FAT3: variants seen among roughly 807,000 people sequenced by gnomAD.
FAT3 encodes FAT atypical cadherin 3, also known as protocadherin Fat 3.
In FAT3, 95 loss-of-function variants were observed where a neutral mutation model predicts 310.2. The ratio of observed to expected loss-of-function variants is 0.31; its 90% CI spans 0.26 to 0.36. The LOEUF (loss-of-function observed/expected upper bound fraction) is 0.36. FAT3 is among the 10% of genes least tolerant of loss of function. The pLI, the probability that FAT3 is intolerant of heterozygous loss-of-function variation, is 1.00. For synonymous variants in FAT3, 2,314 were observed against 2,192.9 expected (o/e 1.06, Z -1.54); for missense variants, 5,408 against 5,715.6 (o/e 0.95, Z 1.74).
chr11:92,436,614 G>A (rs905524071), intron 2 of FAT3, among the ~76,000 whole-genome samples: 1 of 152,132 alleles, frequency 6.6e-6, no homozygotes, highest in Non-Finnish European at 1.5e-5. Flanking sequence ...CAGTGGTTTG[G>A]TTGGCATCAG....
rs144787249 is a variant in FAT3 at position 92,736,929 on chromosome 11, A to G, written c.3670-24927A>G. Among the ~76,000 whole-genome samples the G allele has an allele frequency of 2.8e-3, 433 of 152,314 alleles. 1 individual carries two copies. Among genetic ancestry groups the G allele is most frequent in the African/African-American group, 9.8e-3 (409 of 41,570 alleles). Reference sequence around the variant, plus strand: ...CTGATGTCTTTAGAAAGCTGGAACCAGAGTCTGATTACAGACATTTGTTGC... The same window carrying G: ...CTGATGTCTTTAGAAAGCTGGAACCGGAGTCTGATTACAGACATTTGTTGC... On this transcript the variant is annotated intron_variant, in intron 4 of 27. Transcript: ENST00000525166.
rs549851193 is a variant in FAT3, at chr11:92,333,753, A to G, written c.-17-18343A>G. Among the ~76,000 whole-genome samples, 14 of 152,046 alleles carry G rather than the reference A, an allele frequency of 9.2e-5. No individual in the cohort carries two copies. The South Asian group carries it at 2.9e-3, about 32-fold the overall frequency. ...AAAAGTATTTTTTTTTTTCTCCATG[A>G]AAACAGTAGCAAGGCATTTTTGAAG... On this transcript the variant is annotated intron_variant, in intron 1 of 27. Transcript: ENST00000525166.
intron 4 of FAT3, among the ~76,000 whole-genome samples, chr11:92,718,441 A>G (rs529262869): frequency 6.6e-6 from 1 of 152,126 alleles, no homozygotes; most frequent in African/African-American, 2.4e-5. Context: ...TCCAGCTAGC[A>G]CCAAAGGAGG....
intron 3 of FAT3, among the ~76,000 whole-genome samples, chr11:92,623,319 C>A (rs1674079): frequency 0.55 from 83,275 of 151,942 alleles, 23,886 homozygotes; most frequent in African/African-American, 0.72. Flanking sequence ...TTCCTCACAC[C>A]ACTTGCTTTT....
chr11:92,391,573 G>A (rs558137901), intron 2 of FAT3, among the ~76,000 whole-genome samples: 1 of 152,292 alleles, frequency 6.6e-6, no homozygotes, highest in South Asian at 2.1e-4. Context: ...AATTCCTGTG[G>A]TAAGGGAGGA....
At chr11:92,484,580 A>T (rs1326677850) in intron 2 of FAT3, among the ~76,000 whole-genome samples, 2 of 152,208 alleles carry the variant, frequency 1.3e-5, no homozygotes, top group African/African-American at 4.8e-5. Context: ...ACAGAGCTTT[A>T]AAACATTGGA....
At chr11:92,561,779 C>T (rs1955235262) in intron 3 of FAT3, among the ~76,000 whole-genome samples, 1 of 152,088 alleles carries the variant, frequency 6.6e-6, no homozygotes, top group African/African-American at 2.4e-5. Flanking sequence ...GCGTGCACCA[C>T]CACACCCAGC....
At chr11:92,257,556 G>T (rs564393232) in intron 1 of FAT3, among the ~76,000 whole-genome samples, 1 of 152,040 alleles carries the variant, frequency 6.6e-6, no homozygotes, top group Non-Finnish European at 1.5e-5. Context: ...AATGTGAAGC[G>T]TACAACCTGT....
intron 3 of FAT3, among the ~76,000 whole-genome samples, chr11:92,602,942 C>T (rs899156043): frequency 1.3e-5 from 2 of 152,148 alleles, no homozygotes; most frequent in Non-Finnish European, 2.9e-5. Context: ...AAGTAGTCAT[C>T]CTCACAGCTT....
At chr11:92,361,451 G>A (rs1055099780) in intron 2 of FAT3, among the ~76,000 whole-genome samples, 11 of 151,010 alleles carry the variant, frequency 7.3e-5, no homozygotes, top group East Asian at 3.9e-4. Flanking sequence ...ATTGAATCAC[G>A]AAGATTCCAC....
chr11:92,343,332 T>C (rs112335737), intron 1 of FAT3, among the ~76,000 whole-genome samples: 1 of 149,570 alleles, frequency 6.7e-6, no homozygotes, highest in East Asian at 1.9e-4. Flanking sequence ...GATTTTTTTT[T>C]CCCTTGTGCA....
intron 3 of FAT3, 92 bp from the exon 4 acceptor site, chr11:92,697,292 T>G: frequency 9.1e-7 from 1 of 1,093,680 alleles, no homozygotes; most frequent in Non-Finnish European, 1.4e-6. Flanking sequence ...CCATACCACT[T>G]TTGCTTTTCC....
chr11:92,351,427 C>T (rs1468938159), intron 1 of FAT3, among the ~76,000 whole-genome samples: 1 of 152,108 alleles, frequency 6.6e-6, no homozygotes, highest in Non-Finnish European at 1.5e-5. Context: ...CACCAAATCC[C>T]AAAACACAGT....
At chr11:92,533,010 A>T (rs1463558313) in intron 3 of FAT3, among the ~76,000 whole-genome samples, 1 of 152,020 alleles carries the variant, frequency 6.6e-6, no homozygotes, top group Non-Finnish European at 1.5e-5. Flanking sequence ...ATGCATAGGG[A>T]CTTAGACCAG....
In FAT3 at chr11:92,857,140, C is replaced by T. The variant is rs1385684501; in HGVS notation, c.11366-74C>T. The T allele has an allele frequency of 6.8e-6, 11 of 1,607,470 alleles. No homozygotes were observed. The Admixed American group carries it at 1.5e-4, about 22-fold the overall frequency. On this transcript the variant is annotated intron_variant, in intron 19 of 27. Coordinates refer to ENST00000525166, the MANE Select transcript of FAT3 (RefSeq NM_001367949.2). Reference sequence around the variant, plus strand: ...GAGCCATTTGTGTGTTCCCTTTGAACCTTTTCTATCTTCCCTGGAGTGCAG... The same window carrying T: ...GAGCCATTTGTGTGTTCCCTTTGAATCTTTTCTATCTTCCCTGGAGTGCAG...
chr11:92,522,269 T>C (rs1040900890), intron 2 of FAT3, among the ~76,000 whole-genome samples: 2 of 152,182 alleles, frequency 1.3e-5, no homozygotes, highest in African/African-American at 2.4e-5. Flanking sequence ...CTCATGGCAC[T>C]GACTGCTATG....
chr11:92,797,545 T>A (rs189519596), intron 9 of FAT3, among the ~76,000 whole-genome samples: 1 of 152,308 alleles, frequency 6.6e-6, no homozygotes, highest in East Asian at 1.9e-4. Context: ...TCGGGCTCTC[T>A]TATTTCCCAA....
intron 3 of FAT3, among the ~76,000 whole-genome samples, chr11:92,534,392 A>G (rs987029536): frequency 3.9e-5 from 6 of 152,222 alleles, no homozygotes; most frequent in Admixed American, 1.3e-4. Flanking sequence ...AATGCTAAAA[A>G]TAAATGCTAT....
At chr11:92,591,700 CA>C (rs1158723987) in intron 3 of FAT3, among the ~76,000 whole-genome samples, 1 of 152,130 alleles carries the variant, frequency 6.6e-6, no homozygotes, top group Non-Finnish European at 1.5e-5. Flanking sequence ...AAGCTCATGA[CA>C]GAAGCTTAAA....
Sources: gnomAD v4.1 joint callset for allele counts (sites outside exome capture counted in the v4.1 genomes callset) on GRCh38, gnomAD v4.1.1 for gene constraint, MANE v1.5 for transcripts, NCBI Gene and HGNC (gene_info 2026-07-23, HGNC 2026-07-21) for gene names.